SLC25A13: variants seen among roughly 807,000 people sequenced by gnomAD.
SLC25A13 encodes electrogenic aspartate/glutamate antiporter SLC25A13, mitochondrial.
SLC25A13 carries 70 observed loss-of-function variants against 85.5 expected under a neutral mutation model. The observed-to-expected ratio is 0.82, with a 90% CI of 0.68 to 1.00. The LOEUF (loss-of-function observed/expected upper bound fraction) is 1.00, where lower values mean the gene tolerates loss of function less well. Ranked by LOEUF, SLC25A13 falls within the 50% of genes least tolerant of loss-of-function variation. The pLI is 0.00. For missense variants in SLC25A13, 765 were observed against 819.8 expected (o/e 0.93, Z 0.82); for synonymous variants, 259 against 288.7 (o/e 0.90, Z 1.04).
chr7:96,182,299 A>G (rs1217908597), intron 11 of SLC25A13, among the ~76,000 whole-genome samples: 8 of 152,210 alleles, frequency 5.3e-5, no homozygotes, highest in Admixed American at 5.2e-4. Context: ...TTTACAGTAA[A>G]TTTTTTGTTT....
At position 96,139,851 on chromosome 7, in the gene SLC25A13, G is replaced by C. The variant is rs370087647; in HGVS notation, c.1452+6705C>G. Reference sequence around the variant, plus strand: ...CCATATTTTCTTTATGCATTCCTTTGTTGATAGACATTTGGGTTATTTCAT... The same window carrying C: ...CCATATTTTCTTTATGCATTCCTTTCTTGATAGACATTTGGGTTATTTCAT... On this transcript the variant is annotated intron_variant, in intron 14 of 17. Transcript: ENST00000265631. Among the ~76,000 whole-genome samples, 4 of 145,708 alleles carry C rather than the reference G, an allele frequency of 2.7e-5. No homozygotes were observed. In the East Asian group the frequency reaches 8.0e-4, roughly 29 times the overall value.
chr7:96,141,015 C>CTTTTTTTTTTTTTT (rs1562789751), intron 14 of SLC25A13, among the ~76,000 whole-genome samples: 1 of 128,794 alleles, frequency 7.8e-6, no homozygotes, highest in African/African-American at 2.9e-5. Flanking sequence ...TTTCTTTTTT[C>CTTTTTTTTTTTTTT]TTTCTTTTTT....
intron 3 of SLC25A13, among the ~76,000 whole-genome samples, chr7:96,252,860 G>C (rs2116871603): frequency 6.6e-6 from 1 of 152,286 alleles, no homozygotes; most frequent in Middle Eastern, 3.4e-3. Context: ...TTGGGAGGCA[G>C]AGGTGGGTGG....
chr7:96,189,269 T>G (rs553369121), intron 9 of SLC25A13, 25 bp downstream of exon 9: 3 of 1,608,474 alleles, frequency 1.9e-6, no homozygotes, highest in Non-Finnish European at 2.6e-6. Context: ...AACCCCAGAA[T>G]GCAAGTTTGC....
At chr7:96,207,089 C>A (rs961166132) in intron 5 of SLC25A13, among the ~76,000 whole-genome samples, 2 of 152,160 alleles carry the variant, frequency 1.3e-5, no homozygotes, top group South Asian at 4.1e-4. Context: ...ATTACATTCT[C>A]CATCTGAGTT....
At chr7:96,183,377 C>G (rs1413491666) in intron 11 of SLC25A13, among the ~76,000 whole-genome samples, 1 of 152,164 alleles carries the variant, frequency 6.6e-6, no homozygotes, top group Non-Finnish European at 1.5e-5. Context: ...GTTTCCATGT[C>G]TGCCAGTTTC....
intron 1 of SLC25A13, among the ~76,000 whole-genome samples, chr7:96,308,110 G>A (rs1475933968): frequency 6.9e-6 from 1 of 144,616 alleles, no homozygotes; most frequent in Non-Finnish European, 1.5e-5. Context: ...CCAAGATCGT[G>A]CCACTGCACT....
chr7:96,225,910 G>A (rs985813392), intron 4 of SLC25A13, among the ~76,000 whole-genome samples: 2 of 151,994 alleles, frequency 1.3e-5, no homozygotes, highest in African/African-American at 2.4e-5. Context: ...CTTAGAACCC[G>A]GGAAATGGCT....
At chr7:96,309,947 G>C (rs1356651228) in intron 1 of SLC25A13, among the ~76,000 whole-genome samples, 1 of 152,080 alleles carries the variant, frequency 6.6e-6, no homozygotes, top group Non-Finnish European at 1.5e-5. Context: ...AATAAGACTG[G>C]TGTCCTTATA....
At chr7:96,189,787 C>A (rs1055675412) in intron 7 of SLC25A13, 113 bp from the exon 8 acceptor site, 13 of 907,618 alleles carry the variant, frequency 1.4e-5, no homozygotes, top group Admixed American at 8.9e-5. Context: ...TTATTATCAT[C>A]AGTTGTAGAA....
chr7:96,226,475 C>T (rs981692070), intron 4 of SLC25A13, among the ~76,000 whole-genome samples: 11 of 152,134 alleles, frequency 7.2e-5, no homozygotes, highest in Non-Finnish European at 1.0e-4. Context: ...TCTGATACCT[C>T]TTTGAGATCC....
chr7:96,184,821 G>A (rs1252939327), intron 10 of SLC25A13, 106 bp downstream of exon 10: 16 of 996,054 alleles, frequency 1.6e-5, no homozygotes, highest in East Asian at 1.2e-4. Flanking sequence ...ACTGGCATTG[G>A]GAAAGACTAG....
At chr7:96,259,949 T>C (rs189830347) in intron 3 of SLC25A13, among the ~76,000 whole-genome samples, 266 of 146,156 alleles carry the variant, frequency 1.8e-3, no homozygotes, top group Non-Finnish European at 3.1e-3. Context: ...CAAACTAACA[T>C]AGGAACAGCA....
At chr7:96,129,567 T>C (rs941829689) in intron 15 of SLC25A13, among the ~76,000 whole-genome samples, 3 of 152,194 alleles carry the variant, frequency 2.0e-5, no homozygotes, top group South Asian at 2.1e-4. Flanking sequence ...ATACATAAGA[T>C]GCAGCAATTA....
At chr7:96,231,036 G>C (rs533049729) in intron 4 of SLC25A13, among the ~76,000 whole-genome samples, 1 of 152,108 alleles carries the variant, frequency 6.6e-6, no homozygotes, top group East Asian at 1.9e-4. Flanking sequence ...ACTTGAGCCT[G>C]GTAAGCAGAG....
chr7:96,281,893 G>C (rs9649201), intron 2 of SLC25A13, among the ~76,000 whole-genome samples: 85,571 of 151,990 alleles, frequency 0.56, 25,705 homozygotes, highest in Non-Finnish European at 0.67. Context: ...CATGTCAAAG[G>C]TTGCTCCTTA....
chr7:96,196,604 C>T (rs1795073064), intron 5 of SLC25A13, among the ~76,000 whole-genome samples: 1 of 152,168 alleles, frequency 6.6e-6, no homozygotes, highest in Non-Finnish European at 1.5e-5. Context: ...GCAGGGACCC[C>T]TCAAGTTGGA....
chr7:96,226,288 G>C (rs572266101), intron 4 of SLC25A13, among the ~76,000 whole-genome samples: 1 of 152,206 alleles, frequency 6.6e-6, no homozygotes, highest in African/African-American at 2.4e-5. Context: ...TTCTGTGGCT[G>C]GCTTATTTCA....
intron 1 of SLC25A13, 148 bp downstream of exon 1, chr7:96,321,794 C>T: frequency 9.7e-7 from 1 of 1,035,600 alleles, no homozygotes. Context: ...TGGCCCCCTC[C>T]CTCCAGCAGC....
Sources: allele counts gnomAD v4.1 joint callset (sites outside exome capture counted in the v4.1 genomes callset), GRCh38; gene constraint gnomAD v4.1.1; transcripts MANE v1.5; gene names NCBI Gene and HGNC (gene_info 2026-07-23, HGNC 2026-07-21).